ABCA9: variants seen among roughly 807,000 people sequenced by gnomAD.
ABCA9 encodes ATP binding cassette subfamily A member 9.
In ABCA9, 183 loss-of-function variants were observed where a neutral mutation model predicts 205.3. The observed-to-expected ratio is 0.89, with a 90% CI of 0.79 to 1.01. The LOEUF (loss-of-function observed/expected upper bound fraction) is 1.01. Among genes scored for constraint, ABCA9 ranks in the 50% least tolerant of loss-of-function variants. The probability of loss-of-function intolerance (pLI) is 0.00; values close to 1 mark genes in which losing one functional copy is unlikely to be tolerated. For missense variants in ABCA9, 1,805 were observed against 1,912.4 expected (o/e 0.94, Z 1.05); for synonymous variants, 651 against 683.3 (o/e 0.95, Z 0.74).
the ABCA9 span, among the ~76,000 whole-genome samples, chr17:69,069,878 G>A: frequency 1.3e-5 from 2 of 152,060 alleles, no homozygotes; most frequent in Admixed American, 6.6e-5. Flanking sequence ...TCTGATGTTG[G>A]TTATTCGGTA....
chr17:68,989,799 C>A lies in ABCA9; in HGVS notation c.3955+14G>T, dbSNP rs2069384333. The A allele has an allele frequency of 7.0e-7, 1 of 1,436,222 alleles. No homozygotes were observed. The highest frequency in any genetic ancestry group is 9.8e-7 in the Non-Finnish European group (1 of 1,021,326). The allele number at this position is 1,436,222 out of a possible 1,614,324, so 89.0% of individuals were successfully genotyped here. A position where few individuals can be genotyped will look rare whatever the true frequency, so the allele number is the denominator to read the frequency against. On this transcript the variant is annotated intron_variant, in intron 30 of 38. Coordinates refer to ENST00000340001, the MANE Select transcript of ABCA9 (RefSeq NM_080283.4). ...ATTCAAGATTGCTCTACTAATGGAA[C>A]TACTGTTTCCAACCTTTTTTAACAC...
rs200115425 is a variant in ABCA9 at position 69,051,138 on chromosome 17, T to C, written c.-12A>G. 10 of 1,612,608 alleles carry C rather than the reference T, an allele frequency of 6.2e-6. No individual in the cohort carries two copies. Among genetic ancestry groups the C allele is most frequent in the Non-Finnish European group, 8.5e-6 (10 of 1,179,368 alleles). On this transcript the variant is annotated splice_region_variant and 5_prime_UTR_variant, in exon 2 of 39. Transcript: ENST00000340001. Reference sequence around the variant, plus strand: ...CGTCTCTTGCTCATTTTGACCTGTTTCCTTTAAAAAGACAGAAAAAAAATG... The same window carrying C: ...CGTCTCTTGCTCATTTTGACCTGTTCCCTTTAAAAAGACAGAAAAAAAATG...
chr17:69,039,163 T>C (rs896779994), intron 6 of ABCA9, among the ~76,000 whole-genome samples: 5 of 152,156 alleles, frequency 3.3e-5, no homozygotes, highest in African/African-American at 1.2e-4. Flanking sequence ...GATTCAATGC[T>C]ATTCCCATCA....
chr17:69,030,439 C>A (rs1323151922), intron 10 of ABCA9, among the ~76,000 whole-genome samples: 1 of 152,196 alleles, frequency 6.6e-6, no homozygotes, highest in Non-Finnish European at 1.5e-5. Context: ...TCATCTAACC[C>A]TAATTACTTC....
chr17:69,027,389 A>C lies in ABCA9; in HGVS notation c.1852T>G (p.Leu618Val). 6.2e-7 allele frequency: 1 copy of C among 1,613,318 alleles called. No homozygotes were observed. The highest frequency in any genetic ancestry group is 8.5e-7 in the Non-Finnish European group (1 of 1,179,636). The change falls in exon 14 of 39, where the codon TTA becomes GTA. Residue 618 changes from leucine to valine, a missense_variant. Leu to Val is a conservative substitution (Grantham distance 32). Transcript: ENST00000340001. Reference sequence around the variant, plus strand: ...AGTTTCCTATTTTGTCCACCACTTAAGTTTTGAGCAAGGATGTCTTGAATA... The same window carrying C: ...AGTTTCCTATTTTGTCCACCACTTACGTTTTGAGCAAGGATGTCTTGAATA... ...ENIQDILAQN[L>V]SGGQNRKLTF...
chr17:69,027,401 G>C lies in ABCA9; in HGVS notation c.1840C>G (p.Leu614Val). ...ELEMENIQDILAQNLSGGQNR... is the reference protein window; with the variant it reads ...ELEMENIQDIVAQNLSGGQNR... ...TGTCCACCACTTAAGTTTTGAGCAA[G>C]GATGTCTTGAATATTTTCCATTTCT... The change falls in exon 14 of 39, where the codon CTT becomes GTT. Residue 614 changes from leucine (L) to valine (V), a missense_variant. Physicochemically the swap from Leu to Val is conservative, Grantham distance 32. Transcript: ENST00000340001. 1 of 1,613,050 alleles carries C rather than the reference G, an allele frequency of 6.2e-7. No homozygotes were observed. Among genetic ancestry groups the C allele is most frequent in the Non-Finnish European group, 8.5e-7 (1 of 1,179,436 alleles).
chr17:69,042,405 G>A (rs536507760), intron 6 of ABCA9: 3 of 152,310 alleles, frequency 2.0e-5, no homozygotes, highest in Admixed American at 2.0e-4. Context: ...TGCTGAGATG[G>A]AGACAACCCG....
chr17:69,020,811 CTCTG>C (rs1434732853), intron 18 of ABCA9: 1 of 475,858 alleles, frequency 2.1e-6, no homozygotes, highest in African/African-American at 2.0e-5. Flanking sequence ...TTTAAACGTC[CTCTG>C]TCTGCAGCTT....
chr17:69,011,250 T>C (rs978525162), intron 23 of ABCA9, among the ~76,000 whole-genome samples: 2 of 152,102 alleles, frequency 1.3e-5, no homozygotes, highest in African/African-American at 2.4e-5. Flanking sequence ...AATGGAAATA[T>C]TGAGATTTGA....
the ABCA9 span, among the ~76,000 whole-genome samples, chr17:69,073,198 G>A: frequency 8.6e-3 from 1,302 of 152,262 alleles, 13 homozygotes; most frequent in African/African-American, 0.03. Context: ...CAACAAGACA[G>A]AAAATTAACA....
At chr17:69,067,157 G>A in the ABCA9 span, among the ~76,000 whole-genome samples, 3 of 151,974 alleles carry the variant, frequency 2.0e-5, no homozygotes, top group Non-Finnish European at 4.4e-5. Context: ...CATATTTAAT[G>A]CTAAATTTTG....
chr17:69,071,880 C>T, the ABCA9 span, among the ~76,000 whole-genome samples: 1 of 152,208 alleles, frequency 6.6e-6, no homozygotes, highest in East Asian at 1.9e-4. Context: ...ACTAGAATAA[C>T]CAGTTTAGAG....
chr17:69,070,298 G>A, the ABCA9 span, among the ~76,000 whole-genome samples: 66 of 151,934 alleles, frequency 4.3e-4, no homozygotes, highest in Non-Finnish European at 6.6e-4. Flanking sequence ...TGCAGCTCCC[G>A]GGCAAGATGG....
rs748545976 is a variant in ABCA9 at position 68,984,899 on chromosome 17, C to T, written c.4365G>A (p.Gly1455=). The stretch of plus-strand genomic sequence containing the variant: ...TAGCACCTCACCACATTTGCTGCTG[C>T]CCCTCGGGGTCCATCCCGGTCGACG... ...DEPSTGMDPE[G]QQQMWQVIRA... is the part of the protein sequence containing the mutation. The change falls in exon 34 of 39, where the codon GGG becomes GGA. Residue 1455 remains glycine, a synonymous_variant. Transcript: ENST00000340001. 1.2e-6 allele frequency: 2 copies of T among 1,614,168 alleles called. No homozygotes were observed. Among genetic ancestry groups the T allele is most frequent in the Non-Finnish European group, 8.5e-7 (1 of 1,180,042 alleles).
chr17:69,000,688 A>T (rs1416406453), intron 25 of ABCA9, among the ~76,000 whole-genome samples: 1 of 150,868 alleles, frequency 6.6e-6, no homozygotes, highest in African/African-American at 2.5e-5. Context: ...CTTGATGGGG[A>T]TGGCATTGAA....
chr17:69,045,963 G>A (rs181017409), intron 3 of ABCA9, among the ~76,000 whole-genome samples: 22 of 152,122 alleles, frequency 1.4e-4, no homozygotes, highest in East Asian at 3.9e-4. Context: ...ATAATTTAAC[G>A]CACAATGAAT....
rs1479476967 is a variant in ABCA9 at position 69,027,781 on chromosome 17, T to A, written c.1650A>T (p.Arg550Ser). The A allele has an allele frequency of 1.5e-5, 24 of 1,612,558 alleles. No individual in the cohort carries two copies. Among genetic ancestry groups the A allele is most frequent in the Non-Finnish European group, 2.0e-5 (24 of 1,179,324 alleles). ...TGCTGATATTTTCTATATCAGCCAT[T>A]CTTGAAAGTGTGTGATTATAGACAG... ...SVTVYNHTLS[R>S]MADIENISKF... is the part of the protein sequence containing the mutation. The change falls in exon 13 of 39, where the codon AGA becomes AGT. Residue 550 changes from arginine to serine, a missense_variant. Arg to Ser is a moderately radical substitution (Grantham distance 110). Coordinates refer to ENST00000340001, the MANE Select transcript of ABCA9 (RefSeq NM_080283.4).
chr17:69,018,612 A>C (rs762425964), intron 19 of ABCA9, 33 bp from the exon 20 acceptor site: 42 of 1,508,692 alleles, frequency 2.8e-5, no homozygotes, highest in Non-Finnish European at 3.4e-5. Flanking sequence ...GAAAAAAATA[A>C]TTTTAGCAAC....
rs1388706979 is a variant in ABCA9, at chr17:69,035,657, C to G, written c.942+3G>C. 1 of 1,612,880 alleles carries G rather than the reference C, an allele frequency of 6.2e-7. No homozygotes were observed. Among genetic ancestry groups the G allele is most frequent in the Admixed American group, 1.7e-5 (1 of 59,772 alleles). On this transcript the variant is annotated splice_donor_region_variant and intron_variant, in intron 7 of 38. Coordinates refer to ENST00000340001, the MANE Select transcript of ABCA9 (RefSeq NM_080283.4). ...AAGACTTAGATGAAATTAACCAACTCACCAAAGACAGGCCATAGAGGAGAA... is the reference window on the plus strand; with the variant it reads ...AAGACTTAGATGAAATTAACCAACTGACCAAAGACAGGCCATAGAGGAGAA...
Sources: allele counts gnomAD v4.1 joint callset (sites outside exome capture counted in the v4.1 genomes callset), GRCh38; gene constraint gnomAD v4.1.1; transcripts MANE v1.5; gene names NCBI Gene and HGNC (gene_info 2026-07-23, HGNC 2026-07-21).